Variants in MAPRE2 observed in about 807,000 individuals in gnomAD.
MAPRE2 encodes the protein microtubule-associated protein RP/EB family member 2.
In MAPRE2, 13 loss-of-function variants were observed where a neutral mutation model predicts 43.2. The observed-to-expected ratio is 0.30, with a 90% CI of 0.20 to 0.48. The LOEUF is 0.48. MAPRE2 is among the 20% of genes least tolerant of loss of function. The pLI, the probability that MAPRE2 is intolerant of heterozygous loss-of-function variation, is 0.99. For missense variants in MAPRE2, 161 were observed against 400.2 expected (o/e 0.40, Z 5.10); for synonymous variants, 135 against 148.8 (o/e 0.91, Z 0.68).
At chr18:35,003,442 A>G (rs558872344) in intron 1 of MAPRE2, among the ~76,000 whole-genome samples, 1 of 152,344 alleles carries the variant, frequency 6.6e-6, no homozygotes, top group South Asian at 2.1e-4. Flanking sequence ...TTCTTCATTT[A>G]TAATAAGATA....
intron 1 of MAPRE2, among the ~76,000 whole-genome samples, chr18:34,978,709 A>G (rs2097014527): frequency 6.6e-6 from 1 of 152,162 alleles, no homozygotes; most frequent in Admixed American, 6.6e-5. Flanking sequence ...GATTAAAGAC[A>G]TCAGTTAGGG....
At chr18:35,067,655 T>G (rs895486210) in intron 1 of MAPRE2, among the ~76,000 whole-genome samples, 11 of 152,304 alleles carry the variant, frequency 7.2e-5, no homozygotes, top group African/African-American at 2.4e-4. Context: ...CACCACATCC[T>G]CCATCAGTAC....
At chr18:35,079,776 G>T (rs1907544712) in intron 2 of MAPRE2, among the ~76,000 whole-genome samples, 2 of 152,206 alleles carry the variant, frequency 1.3e-5, no homozygotes. Flanking sequence ...TTGGAAACAG[G>T]AAAGCTTCGT....
At chr18:35,093,632 G>C (rs191027034) in intron 2 of MAPRE2, among the ~76,000 whole-genome samples, 1 of 152,176 alleles carries the variant, frequency 6.6e-6, no homozygotes, top group Non-Finnish European at 1.5e-5. Context: ...GGATGAACGT[G>C]GAGGACGTTA....
At chr18:35,003,263 C>G (rs1712823344) in intron 1 of MAPRE2, among the ~76,000 whole-genome samples, 1 of 152,170 alleles carries the variant, frequency 6.6e-6, no homozygotes, top group African/African-American at 2.4e-5. Flanking sequence ...AGTGAAAGCT[C>G]TCCAGGTATT....
rs182925715 is a variant in MAPRE2 at position 35,010,911 on chromosome 18, G to A, written c.-8+5358G>A. On this transcript the variant is annotated intron_variant, in intron 2 of 7. Transcript: ENST00000413393. ...ATGTTAACAATTGCTGAATATAGCT[G>A]GTGGGTATGAATGTCTGTTATACTA... Among the ~76,000 whole-genome samples the A allele has an allele frequency of 1.5e-4, 23 of 152,270 alleles. No homozygotes were observed. In the East Asian group the frequency reaches 4.2e-3, roughly 28 times the overall value.
intron 1 of MAPRE2, chr18:35,005,380 A>T (rs1193699058): frequency 5.2e-6 from 3 of 571,626 alleles, no homozygotes; most frequent in East Asian, 5.9e-5. Context: ...TTTTTCTTTA[A>T]TTTTTTCCAT....
At chr18:35,132,591 C>T (rs1196744947) in intron 6 of MAPRE2, among the ~76,000 whole-genome samples, 2 of 152,122 alleles carry the variant, frequency 1.3e-5, no homozygotes, top group Non-Finnish European at 2.9e-5. Context: ...CCCAGAAGCC[C>T]CATAATTGAC....
At chr18:34,985,955 A>T (rs1166562172) in intron 1 of MAPRE2, among the ~76,000 whole-genome samples, 1 of 151,716 alleles carries the variant, frequency 6.6e-6, no homozygotes, top group African/African-American at 2.4e-5. Flanking sequence ...TTTTTACTAG[A>T]GCAGGGACTT....
At chr18:35,038,652 G>A (rs753190150), upstream of MAPRE2, among the ~76,000 whole-genome samples, 12 of 152,080 alleles carry the variant, frequency 7.9e-5, no homozygotes, top group Non-Finnish European at 1.6e-4. Flanking sequence ...TGAATTTTCT[G>A]TACTTTTCCT....
chr18:35,129,394 G>A (rs975611236), intron 5 of MAPRE2, among the ~76,000 whole-genome samples: 1 of 152,178 alleles, frequency 6.6e-6, no homozygotes, highest in African/African-American at 2.4e-5. Context: ...GAAGGGTGAA[G>A]CACAGTCATC....
At chr18:35,089,872 C>T (rs895477520) in intron 2 of MAPRE2, among the ~76,000 whole-genome samples, 1 of 152,080 alleles carries the variant, frequency 6.6e-6, no homozygotes, top group African/African-American at 2.4e-5. Context: ...ATAGTCCAAA[C>T]ATAAAAGCAA....
intron 1 of MAPRE2, among the ~76,000 whole-genome samples, chr18:35,057,507 C>CGTGTGTGTGTGTGTGTGTGT (rs58171272): frequency 0.014 from 2,041 of 149,482 alleles, 32 homozygotes; most frequent in Middle Eastern, 0.034. Context: ...GGAGTGTGTG[C>CGTGTGTGTGTGTGTGTGTGT]GTGTGTGTGT....
chr18:34,989,985 T>A (rs181678133), intron 1 of MAPRE2, among the ~76,000 whole-genome samples: 76 of 152,302 alleles, frequency 5.0e-4, no homozygotes, highest in African/African-American at 1.7e-3. Flanking sequence ...TCATCCCCCT[T>A]GCATGGCAAT....
intron 3 of MAPRE2, among the ~76,000 whole-genome samples, chr18:35,098,719 T>A (rs1432197732): frequency 1.3e-5 from 2 of 152,248 alleles, no homozygotes; most frequent in African/African-American, 4.8e-5. Flanking sequence ...CATTCATTTC[T>A]CTATACATGC....
rs1028915901 is a variant in MAPRE2 at position 35,143,231 on chromosome 18, A to C, written c.*2862A>C. 6.6e-6 allele frequency: 1 copy of C among 152,084 alleles called. No individual in the cohort carries two copies. The highest frequency in any genetic ancestry group is 1.5e-5 in the Non-Finnish European group (1 of 68,016). 9.4% of individuals were successfully genotyped at this position (152,084 alleles called of 1,614,324 possible). Reference sequence around the variant, plus strand: ...ACTTTTACTAAATAGGACACCATAAAGCTTTTGTTATATATTAAATGTAAA... The same window carrying C: ...ACTTTTACTAAATAGGACACCATAACGCTTTTGTTATATATTAAATGTAAA... On this transcript the variant is annotated 3_prime_UTR_variant, in exon 7 of 7. Transcript: ENST00000300249.
intron 4 of MAPRE2, among the ~76,000 whole-genome samples, chr18:35,119,514 T>G (rs1011330832): frequency 6.6e-6 from 1 of 152,230 alleles, no homozygotes. Flanking sequence ...CATTGTTTGA[T>G]CTCAACTGCC....
chr18:35,142,865 C>T lies in MAPRE2; in HGVS notation c.*2496C>T, dbSNP rs1910720692. ...CAGGGAACAGTTTCCTTAGCGGCCC[C>T]TGGTCACATGTCATCGGGCTGGGCA... On this transcript the variant is annotated 3_prime_UTR_variant, in exon 7 of 7. Transcript: ENST00000300249. The T allele has an allele frequency of 6.6e-6, 1 of 151,992 alleles. No individual in the cohort carries two copies. The highest frequency in any genetic ancestry group is 2.4e-5 in the African/African-American group (1 of 41,366). 9.4% of individuals were successfully genotyped at this position (151,992 alleles called of 1,614,324 possible).
chr18:34,999,692 G>A (rs988984178), intron 1 of MAPRE2, among the ~76,000 whole-genome samples: 6 of 152,110 alleles, frequency 3.9e-5, no homozygotes, highest in Non-Finnish European at 5.9e-5. Context: ...TACAATATGG[G>A]TCATTTGGTA....
Sources: gnomAD v4.1 joint callset for allele counts (sites outside exome capture counted in the v4.1 genomes callset) on GRCh38, gnomAD v4.1.1 for gene constraint, MANE v1.5 for transcripts, NCBI Gene and HGNC (gene_info 2026-07-23, HGNC 2026-07-21) for gene names.